Variants in LRRC4C observed in about 807,000 individuals in gnomAD.
LRRC4C encodes leucine rich repeat containing 4C.
In LRRC4C, 5 loss-of-function variants were observed where a neutral mutation model predicts 33.6. The ratio of observed to expected loss-of-function variants is 0.15; its 90% CI spans 0.08 to 0.31. The LOEUF (loss-of-function observed/expected upper bound fraction) is 0.31. LRRC4C is among the 10% of genes least tolerant of loss of function. The pLI, the probability that LRRC4C is intolerant of heterozygous loss-of-function variation, is 1.00. For synonymous variants in LRRC4C, 329 were observed against 302.0 expected (o/e 1.09, Z -0.93); for missense variants, 560 against 796.7 (o/e 0.70, Z 3.58).
chr11:40,752,524 T>C (rs1170255011), intron 2 of LRRC4C, among the ~76,000 whole-genome samples: 1 of 151,670 alleles, frequency 6.6e-6, no homozygotes, highest in Non-Finnish European at 1.5e-5. Context: ...ATAAGAGAAA[T>C]GCAAATCAAA....
intron 3 of LRRC4C, among the ~76,000 whole-genome samples, chr11:40,506,977 A>G (rs1389354957): frequency 6.6e-6 from 1 of 152,148 alleles, no homozygotes; most frequent in Non-Finnish European, 1.5e-5. Flanking sequence ...GGGTAAGTCT[A>G]CTAAGTATAT....
chr11:40,417,166 GT>G (rs768003356), intron 3 of LRRC4C, among the ~76,000 whole-genome samples: 3 of 152,156 alleles, frequency 2.0e-5, no homozygotes, highest in African/African-American at 7.2e-5. Flanking sequence ...TCAGTACTCA[GT>G]TTTTTGAATA....
rs952732046 is a variant in LRRC4C at position 40,134,024 on chromosome 11, T to C, written c.-43+6777A>G. Reference sequence around the variant, plus strand: ...AGCAGAAAATCCTAGAGAAATTCTATTCTCTATTCTTTAGAATGAGGTATT... The same window carrying C: ...AGCAGAAAATCCTAGAGAAATTCTACTCTCTATTCTTTAGAATGAGGTATT... On this transcript the variant is annotated intron_variant, in intron 6 of 6. Transcript: ENST00000528697. Among the ~76,000 whole-genome samples, 3 of 152,110 alleles carry C rather than the reference T, an allele frequency of 2.0e-5. No individual in the cohort carries two copies. The South Asian group carries it at 6.2e-4, about 32-fold the overall frequency.
chr11:41,188,732 G>A (rs1945809117), intron 1 of LRRC4C, among the ~76,000 whole-genome samples: 1 of 149,570 alleles, frequency 6.7e-6, no homozygotes, highest in Admixed American at 6.7e-5. Flanking sequence ...AGAGTATAAT[G>A]CAATGATAAA....
chr11:40,798,657 T>C (rs1353028221), intron 2 of LRRC4C, among the ~76,000 whole-genome samples: 2 of 151,220 alleles, frequency 1.3e-5, no homozygotes, highest in Non-Finnish European at 3.0e-5. Context: ...TTTTTTTTTT[T>C]TTTGAGATGG....
chr11:41,342,104 A>T (rs1951660247), intron 1 of LRRC4C, among the ~76,000 whole-genome samples: 1 of 151,514 alleles, frequency 6.6e-6, no homozygotes, highest in South Asian at 2.1e-4. Context: ...AAAACAACAC[A>T]GTTACTATTA....
intron 3 of LRRC4C, among the ~76,000 whole-genome samples, chr11:40,589,268 A>C (rs1958918717): frequency 6.6e-6 from 1 of 151,912 alleles, no homozygotes; most frequent in African/African-American, 2.4e-5. Context: ...TGTTGGTTTA[A>C]AGTCTGTTTT....
chr11:40,309,708 T>C (rs78555006), intron 4 of LRRC4C, among the ~76,000 whole-genome samples: 2 of 152,138 alleles, frequency 1.3e-5, no homozygotes, highest in African/African-American at 4.8e-5. Context: ...ATTTTCACCA[T>C]GTAGCCCAGG....
At chr11:40,975,308 T>C (rs927323189) in intron 1 of LRRC4C, among the ~76,000 whole-genome samples, 4 of 152,304 alleles carry the variant, frequency 2.6e-5, no homozygotes, top group Middle Eastern at 3.4e-3. Flanking sequence ...TCCTTCTGAG[T>C]GAATTCACAG....
intron 1 of LRRC4C, among the ~76,000 whole-genome samples, chr11:41,187,389 G>C (rs1195473855): frequency 6.6e-6 from 1 of 152,132 alleles, no homozygotes; most frequent in African/African-American, 2.4e-5. Context: ...TGGCGAAAGA[G>C]CACACCAGCA....
Position 40,574,186 on chromosome 11 carries a change from C to T in LRRC4C, c.-270+73956G>A, listed in dbSNP as rs114583387. ...TGTAACATTTTAAAGTCAAGGACTC[C>T]TTCCATCTTTATCTATGCTAGGAAG... is the stretch of plus-strand genomic sequence containing the variant. On this transcript the variant is annotated intron_variant, in intron 3 of 6. Coordinates refer to ENST00000528697, the MANE Select transcript of LRRC4C (RefSeq NM_001258419.2). 5.8e-3 allele frequency among the ~76,000 whole-genome samples: 887 copies of T among 152,258 alleles called. 13 individuals carry two copies. Among genetic ancestry groups the T allele is most frequent in the African/African-American group, 0.02 (849 of 41,530 alleles).
chr11:40,889,256 G>C (rs1955593203), intron 2 of LRRC4C, among the ~76,000 whole-genome samples: 1 of 152,060 alleles, frequency 6.6e-6, no homozygotes, highest in African/African-American at 2.4e-5. Context: ...CAAATTTCCT[G>C]TCAAGGAAAG....
intron 1 of LRRC4C, among the ~76,000 whole-genome samples, chr11:41,309,084 C>T (rs1950579580): frequency 6.6e-6 from 1 of 152,186 alleles, no homozygotes; most frequent in East Asian, 1.9e-4. Context: ...GATTACACAT[C>T]ACACACCGGG....
At chr11:41,429,106 C>T (rs1955145440) in intron 1 of LRRC4C, among the ~76,000 whole-genome samples, 1 of 152,096 alleles carries the variant, frequency 6.6e-6, no homozygotes, top group African/African-American at 2.4e-5. Context: ...ATGCTGTTCT[C>T]TTGATAGAGA....
chr11:41,162,125 C>G (rs1381300966), intron 1 of LRRC4C, among the ~76,000 whole-genome samples: 1 of 151,986 alleles, frequency 6.6e-6, no homozygotes, highest in Non-Finnish European at 1.5e-5. Flanking sequence ...CTTCTTTTGC[C>G]CAGGTAGCAC....
At chr11:40,827,602 T>C (rs1173456042) in intron 2 of LRRC4C, among the ~76,000 whole-genome samples, 1 of 151,826 alleles carries the variant, frequency 6.6e-6, no homozygotes, top group Non-Finnish European at 1.5e-5. Context: ...GAATTCTACC[T>C]TATGGGCCCT....
chr11:40,129,991 G>A (rs1417347272), intron 6 of LRRC4C, among the ~76,000 whole-genome samples: 1 of 151,992 alleles, frequency 6.6e-6, no homozygotes, highest in Non-Finnish European at 1.5e-5. Context: ...CCTGGCATGA[G>A]GTTTCTGGCT....
chr11:40,136,796 G>A (rs1330102459), intron 6 of LRRC4C, among the ~76,000 whole-genome samples: 2 of 152,168 alleles, frequency 1.3e-5, no homozygotes, highest in South Asian at 2.1e-4. Flanking sequence ...CAGAGGGCTT[G>A]CCTGTAGCAC....
intron 2 of LRRC4C, among the ~76,000 whole-genome samples, chr11:40,740,554 A>T (rs942500930): frequency 6.6e-6 from 1 of 151,850 alleles, no homozygotes; most frequent in Non-Finnish European, 1.5e-5. Context: ...CACCTCATCA[A>T]TTGTATAGTT....
Sources: gnomAD v4.1 joint callset for allele counts (sites outside exome capture counted in the v4.1 genomes callset) on GRCh38, gnomAD v4.1.1 for gene constraint, MANE v1.5 for transcripts, NCBI Gene and HGNC (gene_info 2026-07-23, HGNC 2026-07-21) for gene names.